Variants in OPA3 observed in about 807,000 individuals in gnomAD.
OPA3 encodes the protein optic atrophy 3 protein.
In OPA3, 6 loss-of-function variants were observed where a neutral mutation model predicts 4.0. The ratio of observed to expected loss-of-function variants is 1.51; its 90% CI spans 0.83 to 2.99. OPA3 has a LOEUF of 2.99. OPA3 is among the 30% of genes most tolerant of loss of function. OPA3 has a pLI of 0.00. For synonymous variants in OPA3, 105 were observed against 117.1 expected, an observed-to-expected ratio of 0.90 and a Z score of 0.67; for missense variants, 235 against 256.2, an observed-to-expected ratio of 0.92 and a Z score of 0.56.
At chr19:45,540,876 A>T (rs762358698) in intron 1 of OPA3, among the ~76,000 whole-genome samples, 1 of 152,164 alleles carries the variant, frequency 6.6e-6, no homozygotes, top group Non-Finnish European at 1.5e-5. Context: ...AAATGCTGTC[A>T]TGAATCATAG....
chr19:45,576,597 G>T (rs751401244), intron 1 of OPA3, among the ~76,000 whole-genome samples: 1 of 146,796 alleles, frequency 6.8e-6, no homozygotes, highest in Non-Finnish European at 1.5e-5. Context: ...CAAGGTGTCC[G>T]CAGGGCTGTG....
rs188949964 is a variant in OPA3, at chr19:45,549,160, C to A, written c.*4354G>T. Reference sequence around the variant, plus strand: ...GCATCAACTTGAAGATAATCAGCTTCATTTACAAATTTATTCTAACCCCTC... The same window carrying A: ...GCATCAACTTGAAGATAATCAGCTTAATTTACAAATTTATTCTAACCCCTC... On this transcript the variant is annotated 3_prime_UTR_variant, in exon 2 of 2. Transcript: ENST00000263275. 2.6e-5 allele frequency: 26 copies of A among 985,376 alleles called. No individual in the cohort carries two copies. In the East Asian group the frequency reaches 2.5e-3, roughly 95 times the overall value. 61.0% of individuals were successfully genotyped at this position (985,376 alleles called of 1,614,324 possible).
At chr19:45,537,663 G>A (rs1007384592) in intron 1 of OPA3, among the ~76,000 whole-genome samples, 7 of 151,436 alleles carry the variant, frequency 4.6e-5, no homozygotes, top group South Asian at 4.2e-4. Context: ...ATGGAGTTTC[G>A]CTCTTGTTGC....
chr19:45,545,787 A>G (rs1442061412), downstream of OPA3, among the ~76,000 whole-genome samples: 1 of 138,494 alleles, frequency 7.2e-6, no homozygotes, highest in African/African-American at 2.8e-5. Flanking sequence ...ATCTTGGCTC[A>G]CTGCAACCTC....
At chr19:45,567,318 T>TGACAGGGG (rs1969597321) in intron 1 of OPA3, among the ~76,000 whole-genome samples, 1 of 132,376 alleles carries the variant, frequency 7.6e-6, no homozygotes, top group Non-Finnish European at 1.6e-5. Flanking sequence ...CCAGCCTGGG[T>TGACAGGGG]GACAGGGGGA....
rs201427066 is a variant in OPA3 at position 45,572,353 on chromosome 19, C to T, written c.142+12270G>A. 8.8e-4 allele frequency among the ~76,000 whole-genome samples: 113 copies of T among 128,638 alleles called. 1 individual carries two copies. The highest frequency in any genetic ancestry group is 7.7e-3 in the South Asian group (32 of 4,154). 84.4% of individuals were successfully genotyped at this position (128,638 alleles called of 152,430 possible). ...TCGATATATATCTCATATATATCGA[C>T]ATATATGAGATATATATCGATATAT... On this transcript the variant is annotated intron_variant, in intron 1 of 1. Coordinates refer to ENST00000263275, the MANE Select transcript of OPA3 (RefSeq NM_025136.4).
At chr19:45,541,269 G>A (rs953714447) in intron 1 of OPA3, among the ~76,000 whole-genome samples, 6 of 152,168 alleles carry the variant, frequency 3.9e-5, no homozygotes, top group African/African-American at 1.4e-4. Flanking sequence ...AGGGCAGGGG[G>A]TGTCAGAGGA....
chr19:45,558,721 TG>T (rs1251532526), intron 1 of OPA3, among the ~76,000 whole-genome samples: 1 of 149,592 alleles, frequency 6.7e-6, no homozygotes, highest in African/African-American at 2.5e-5. Context: ...TATGTTCTGC[TG>T]TTTTTTTTTT....
At position 45,552,103 on chromosome 19, in the gene OPA3, A is replaced by T; in HGVS notation, c.*1411T>A. The T allele has an allele frequency of 1.0e-6, 1 of 985,442 alleles. No homozygotes were observed. The highest frequency in any genetic ancestry group is 1.2e-6 in the Non-Finnish European group (1 of 829,968). 61.0% of individuals were successfully genotyped at this position (985,442 alleles called of 1,614,324 possible). A position where few individuals can be genotyped will look rare whatever the true frequency, so the allele number is the denominator to read the frequency against. Reference sequence around the variant, plus strand: ...AGAAAAGATCCTGTAGTGCCATTCCAGTGGGTTGTGCCATAGACTCAAGGA... The same window carrying T: ...AGAAAAGATCCTGTAGTGCCATTCCTGTGGGTTGTGCCATAGACTCAAGGA... On this transcript the variant is annotated 3_prime_UTR_variant, in exon 2 of 2. Transcript: ENST00000263275.
At chr19:45,570,410 C>T (rs964732161) in intron 1 of OPA3, among the ~76,000 whole-genome samples, 4 of 152,142 alleles carry the variant, frequency 2.6e-5, no homozygotes, top group African/African-American at 7.2e-5. Flanking sequence ...TGGCTGGGAG[C>T]GGTGGCTCAT....
intron 1 of OPA3, among the ~76,000 whole-genome samples, chr19:45,571,708 C>T (rs561625806): frequency 1.3e-3 from 195 of 152,240 alleles, no homozygotes; most frequent in African/African-American, 4.4e-3. Flanking sequence ...CCCTTCCCTA[C>T]GTCCACCAAA....
At position 45,549,455 on chromosome 19, in the gene OPA3, G is replaced by A; in HGVS notation, c.*4059C>T. The A allele has an allele frequency of 1.0e-6, 1 of 985,264 alleles. No individual in the cohort carries two copies. Among genetic ancestry groups the A allele is most frequent in the Non-Finnish European group, 1.2e-6 (1 of 829,970 alleles). 61.0% of individuals were successfully genotyped at this position (985,264 alleles called of 1,614,324 possible). ...AGGACAGCGCTGGGGTCAGGAATTG[G>A]AGCTCCTGCCTGTGTTCACACTCCC... On this transcript the variant is annotated 3_prime_UTR_variant, in exon 2 of 2. Transcript: ENST00000263275.
downstream of OPA3, among the ~76,000 whole-genome samples, chr19:45,544,880 G>A (rs1969228190): frequency 6.6e-6 from 1 of 151,980 alleles, no homozygotes; most frequent in African/African-American, 2.4e-5. Context: ...CTACTTGGGA[G>A]GCTGAGGCAG....
chr19:45,580,554 A>G (rs983662072), intron 1 of OPA3, among the ~76,000 whole-genome samples: 1 of 151,922 alleles, frequency 6.6e-6, no homozygotes, highest in Non-Finnish European at 1.5e-5. Flanking sequence ...CGGCCTCCCA[A>G]AGTGCTGGGA....
intron 1 of OPA3, among the ~76,000 whole-genome samples, chr19:45,579,089 C>CT (rs1202732836): frequency 6.6e-6 from 1 of 152,146 alleles, no homozygotes; most frequent in African/African-American, 2.4e-5. Context: ...TGCTCGTTCC[C>CT]TCCCTCCTTG....
At chr19:45,533,187 G>A (rs994152572) in intron 1 of OPA3, among the ~76,000 whole-genome samples, 1 of 150,068 alleles carries the variant, frequency 6.7e-6, no homozygotes. Context: ...TACTGCATCT[G>A]GCCAGGATGA....
Position 45,539,116 on chromosome 19 carries a change from A to G in OPA3, c.143-9660T>C, listed in dbSNP as rs183232713. On this transcript the variant is annotated intron_variant, in intron 1 of 1. Transcript: ENST00000323060. The stretch of plus-strand genomic sequence containing the variant: ...ATTCACTCATTATCAGGAGAACAGC[A>G]TAAGGGAAACCACCCCCATGATCAC... 2.0e-5 allele frequency among the ~76,000 whole-genome samples: 3 copies of G among 152,286 alleles called. No homozygotes were observed. The South Asian group carries it at 6.2e-4, about 32-fold the overall frequency.
chr19:45,568,732 C>T (rs929059177), intron 1 of OPA3, among the ~76,000 whole-genome samples: 2 of 151,988 alleles, frequency 1.3e-5, no homozygotes, highest in Non-Finnish European at 2.9e-5. Flanking sequence ...AGGAGGTAAC[C>T]CCACTCCTGA....
intron 1 of OPA3, among the ~76,000 whole-genome samples, chr19:45,533,545 C>T (rs958613287): frequency 2.0e-5 from 3 of 152,162 alleles, no homozygotes; most frequent in African/African-American, 7.2e-5. Flanking sequence ...TACAGATGTA[C>T]GTTGTTTCCT....
Sources: gnomAD v4.1 joint callset for allele counts (sites outside exome capture counted in the v4.1 genomes callset) on GRCh38, gnomAD v4.1.1 for gene constraint, MANE v1.5 for transcripts, NCBI Gene and HGNC (gene_info 2026-07-23, HGNC 2026-07-21) for gene names.